Variants in CPSF3 observed in about 807,000 individuals in gnomAD.
CPSF3 encodes the protein cleavage and polyadenylation specific factor 3.
In CPSF3, 57 loss-of-function variants were observed where a neutral mutation model predicts 84.1. The observed-to-expected ratio is 0.68, with a 90% CI of 0.55 to 0.85. The LOEUF (loss-of-function observed/expected upper bound fraction) is 0.85, where lower values mean the gene tolerates loss of function less well. Among genes scored for constraint, CPSF3 ranks in the 40% least tolerant of loss-of-function variants. CPSF3 has a pLI of 0.00. For synonymous variants in CPSF3, 275 were observed against 278.1 expected (o/e 0.99, Z 0.11); for missense variants, 522 against 838.8 (o/e 0.62, Z 4.66).
At chr2:9,463,119 G>A (rs149676561) in intron 15 of CPSF3, among the ~76,000 whole-genome samples, 76 of 152,352 alleles carry the variant, frequency 5.0e-4, no homozygotes, top group African/African-American at 1.8e-3. Flanking sequence ...ATTCTGGCAT[G>A]TCCCAGGGCT....
intron 12 of CPSF3, among the ~76,000 whole-genome samples, chr2:9,453,424 A>G (rs1681402708): frequency 1.3e-5 from 2 of 152,190 alleles, no homozygotes; most frequent in Non-Finnish European, 2.9e-5. Flanking sequence ...TTCCTTCACC[A>G]TTCCAAAAGG....
At chr2:9,448,175 C>T (rs1236409502) in intron 10 of CPSF3, 23 bp from the exon 11 acceptor site, 1 of 1,457,858 alleles carries the variant, frequency 6.9e-7, no homozygotes, top group Non-Finnish European at 9.4e-7. Context: ...TCCATATATT[C>T]TTTTAACATT....
chr2:9,466,225 C>A (rs907608441), intron 15 of CPSF3, among the ~76,000 whole-genome samples: 3 of 148,920 alleles, frequency 2.0e-5, no homozygotes, highest in Admixed American at 6.7e-5. Flanking sequence ...CACGCACGCA[C>A]ACACACACGT....
Position 9,440,576 on chromosome 2 carries a change from C to T in CPSF3, c.846C>T (p.Tyr282=). ...SSLAKKCMAV[Y]QTYVNAMNDK... The stretch of plus-strand genomic sequence containing the variant: ...TGGCCAAGAAGTGTATGGCAGTGTA[C>T]CAGACATATGTAAATGCCATGAATG... The change falls in exon 8 of 18, where the codon TAC becomes TAT. Residue 282 remains tyrosine (Y), a synonymous_variant. Coordinates refer to ENST00000238112, the MANE Select transcript of CPSF3 (RefSeq NM_016207.4). 6.2e-7 allele frequency: 1 copy of T among 1,614,014 alleles called. No homozygotes were observed. Among genetic ancestry groups the T allele is most frequent in the South Asian group, 1.1e-5 (1 of 91,072 alleles).
chr2:9,470,003 T>G (rs1323643161), intron 16 of CPSF3, among the ~76,000 whole-genome samples: 1 of 152,106 alleles, frequency 6.6e-6, no homozygotes, highest in Non-Finnish European at 1.5e-5. Context: ...CACTTGAGGT[T>G]AGGGGTTCGA....
chr2:9,440,248 C>T (rs1009084212), intron 7 of CPSF3, among the ~76,000 whole-genome samples: 11 of 152,168 alleles, frequency 7.2e-5, no homozygotes, highest in Non-Finnish European at 1.2e-4. Flanking sequence ...AAAGCCTCCA[C>T]ATCTTTGGAC....
chr2:9,440,479 A>G lies in CPSF3; in HGVS notation c.761-12A>G. 1 of 1,602,288 alleles carries G rather than the reference A, an allele frequency of 6.2e-7. No homozygotes were observed. The highest frequency in any genetic ancestry group is 1.1e-5 in the South Asian group (1 of 90,126). ...AACAAAGTGATGTTTGTTTCTTGCAAAATCTCTCTAGATGAGTACTGGCAG... is the reference window on the plus strand; with the variant it reads ...AACAAAGTGATGTTTGTTTCTTGCAGAATCTCTCTAGATGAGTACTGGCAG... On this transcript the variant is annotated splice_polypyrimidine_tract_variant and intron_variant, in intron 7 of 17. Transcript: ENST00000238112.
intron 1 of CPSF3, 108 bp downstream of exon 1, chr2:9,423,931 CTGCCTT>C: frequency 1.3e-6 from 2 of 1,513,644 alleles, no homozygotes; most frequent in Non-Finnish European, 1.8e-6. Flanking sequence ...CCCCGGCAGC[CTGCCTT>C]TGGTCCGCGC....
At chr2:9,460,971 A>G (rs1338193019) in intron 15 of CPSF3, among the ~76,000 whole-genome samples, 1 of 152,188 alleles carries the variant, frequency 6.6e-6, no homozygotes, top group Non-Finnish European at 1.5e-5. Flanking sequence ...GTTCCTTGAA[A>G]ATATACAGTT....
At chr2:9,455,460 A>G (rs972839727) in intron 12 of CPSF3, among the ~76,000 whole-genome samples, 199 bp from the exon 13 acceptor site, 1 of 152,166 alleles carries the variant, frequency 6.6e-6, no homozygotes. Flanking sequence ...CAGCTGGAGC[A>G]GAAGTTAACT....
At chr2:9,467,896 C>T (rs998075720) in intron 16 of CPSF3, 120 bp downstream of exon 16, 21 of 718,734 alleles carry the variant, frequency 2.9e-5, no homozygotes, top group African/African-American at 2.7e-4. Context: ...CTGCCATGCT[C>T]GGAGGCCTGC....
intron 11 of CPSF3, among the ~76,000 whole-genome samples, chr2:9,452,615 A>C (rs570458147): frequency 9.8e-5 from 15 of 152,318 alleles, no homozygotes; most frequent in African/African-American, 3.4e-4. Flanking sequence ...TCCCTACTGC[A>C]GTGCAGCTAG....
Position 9,434,368 on chromosome 2 carries a change from C to CA in CPSF3, c.609+422dup, listed in dbSNP as rs752334444. Among the ~76,000 whole-genome samples, 381 of 136,994 alleles carry CA rather than the reference C, an allele frequency of 2.8e-3. 1 individual carries two copies. The highest frequency in any genetic ancestry group is 4.6e-3 in the South Asian group (20 of 4,322). 89.9% of individuals were successfully genotyped at this position (136,994 alleles called of 152,430 possible). A position where few individuals can be genotyped will look rare whatever the true frequency, so the allele number is the denominator to read the frequency against. ...TGGGCTACAAAGCAAGACTCAGTCT[C>CA]AAAAAAAAAAAAAATTGGGGCAGGT... On this transcript the variant is annotated intron_variant, in intron 6 of 17. Coordinates refer to ENST00000238112, the MANE Select transcript of CPSF3 (RefSeq NM_016207.4).
At chr2:9,446,261 A>G (rs894922471) in intron 10 of CPSF3, among the ~76,000 whole-genome samples, 2 of 152,192 alleles carry the variant, frequency 1.3e-5, no homozygotes, top group African/African-American at 4.8e-5. Context: ...CCTGGCCAAC[A>G]TAGTGAAACC....
chr2:9,436,885 A>G (rs1459764333), intron 7 of CPSF3, among the ~76,000 whole-genome samples: 1 of 152,102 alleles, frequency 6.6e-6, no homozygotes, highest in Non-Finnish European at 1.5e-5. Flanking sequence ...TCCGGTTGCC[A>G]TCAGAAGTCT....
intron 10 of CPSF3, among the ~76,000 whole-genome samples, chr2:9,444,010 C>A (rs1319634773): frequency 3.3e-5 from 5 of 151,996 alleles, no homozygotes; most frequent in Non-Finnish European, 2.9e-5. Flanking sequence ...TGGCAAGTTA[C>A]TTAACCTCTC....
rs139676758 is a variant in CPSF3 at position 9,432,758 on chromosome 2, TAA to T, written c.519+80_519+81del. The T allele has an allele frequency of 2.5e-5, 28 of 1,137,800 alleles. No homozygotes were observed. The African/African-American group carries it at 3.2e-4, about 13-fold the overall frequency. 70.5% of individuals were successfully genotyped at this position (1,137,800 alleles called of 1,614,324 possible). On this transcript the variant is annotated intron_variant, in intron 5 of 17. Transcript: ENST00000238112. ...AGAGCTTTGTGCCACCAAGTACTAT[TAA>T]AAAAAAAAATTCCCTAAGACTTGCA...
intron 6 of CPSF3, among the ~76,000 whole-genome samples, chr2:9,435,932 C>T (rs1207285416): frequency 6.6e-6 from 1 of 151,776 alleles, no homozygotes. Flanking sequence ...AGGGTTTCAC[C>T]ATGTTGGCCA....
At chr2:9,466,210 GCACACA>G (rs776031803) in intron 15 of CPSF3, among the ~76,000 whole-genome samples, 11 of 145,780 alleles carry the variant, frequency 7.5e-5, no homozygotes, top group African/African-American at 2.9e-4. Context: ...ACACACACGC[GCACACA>G]CGCACGCACA....
Sources: allele counts gnomAD v4.1 joint callset (sites outside exome capture counted in the v4.1 genomes callset), GRCh38; gene constraint gnomAD v4.1.1; transcripts MANE v1.5; gene names NCBI Gene and HGNC (gene_info 2026-07-23, HGNC 2026-07-21).